Variants in TRAPPC9 observed in about 807,000 individuals in gnomAD.
TRAPPC9 encodes IKK2 binding protein.
In TRAPPC9, 83 loss-of-function variants were observed where a neutral mutation model predicts 124.0. That is an observed-to-expected ratio of 0.67 (90% CI 0.56 to 0.80). TRAPPC9 has a LOEUF of 0.80. Among genes scored for constraint, TRAPPC9 ranks in the 30% least tolerant of loss-of-function variants. The probability of loss-of-function intolerance (pLI) is 0.00; values close to 1 mark genes in which losing one functional copy is unlikely to be tolerated. For missense variants in TRAPPC9, 1,302 were observed against 1,508.3 expected (o/e 0.86, Z 2.27); for synonymous variants, 638 against 617.5 (o/e 1.03, Z -0.49).
chr8:139,922,801 C>T (rs573510950), intron 19 of TRAPPC9, among the ~76,000 whole-genome samples: 6 of 152,308 alleles, frequency 3.9e-5, no homozygotes, highest in South Asian at 2.1e-4. Flanking sequence ...AAATCCATCC[C>T]GTGGACACTA....
intron 21 of TRAPPC9, among the ~76,000 whole-genome samples, chr8:139,863,519 G>GT (rs1393349152): frequency 2.0e-4 from 31 of 152,346 alleles, no homozygotes; most frequent in African/African-American, 7.2e-4. Context: ...CTTGAGCACT[G>GT]TAACAGGTCA....
At chr8:140,264,179 A>G (rs1020774134) in intron 15 of TRAPPC9, among the ~76,000 whole-genome samples, 2 of 152,214 alleles carry the variant, frequency 1.3e-5, no homozygotes, top group Non-Finnish European at 2.9e-5. Context: ...TAGCTCTCAT[A>G]TGGCACTTCA....
Position 139,731,047 on chromosome 8 carries a change from G to A in TRAPPC9, c.*14C>T, listed in dbSNP as rs775226507. 44 of 1,611,392 alleles carry A rather than the reference G, an allele frequency of 2.7e-5. No individual in the cohort carries two copies. The highest frequency in any genetic ancestry group is 2.0e-4 in the Middle Eastern group (1 of 4,934). ...CCTCTGGCCCTGCAGAAAGAGGGACGGAAGTAGGCGGGCTCAGGCCTGCGC... is the reference window on the plus strand; with the variant it reads ...CCTCTGGCCCTGCAGAAAGAGGGACAGAAGTAGGCGGGCTCAGGCCTGCGC... On this transcript the variant is annotated 3_prime_UTR_variant, in exon 23 of 23. Transcript: ENST00000438773.
At chr8:140,203,192 G>A (rs573623872) in intron 17 of TRAPPC9, among the ~76,000 whole-genome samples, 10 of 152,260 alleles carry the variant, frequency 6.6e-5, no homozygotes, top group African/African-American at 2.4e-4. Context: ...AGCACTAGTT[G>A]AACAAAGCAA....
At chr8:139,999,987 T>C (rs1050334191) in intron 18 of TRAPPC9, among the ~76,000 whole-genome samples, 2 of 152,194 alleles carry the variant, frequency 1.3e-5, no homozygotes, top group African/African-American at 4.8e-5. Context: ...AAGCCTATCT[T>C]CTATCTTAAG....
At chr8:140,050,807 G>A (rs1006312241) in intron 17 of TRAPPC9, among the ~76,000 whole-genome samples, 1 of 152,172 alleles carries the variant, frequency 6.6e-6, no homozygotes, top group African/African-American at 2.4e-5. Context: ...AACCCCAGGA[G>A]GGAAACAATG....
intron 21 of TRAPPC9, among the ~76,000 whole-genome samples, chr8:139,871,236 G>A (rs1422823264): frequency 1.3e-5 from 2 of 152,246 alleles, no homozygotes; most frequent in South Asian, 2.1e-4. Context: ...GTTATAACCC[G>A]GACACCTGGG....
At chr8:140,390,103 A>G (rs1474890717) in intron 7 of TRAPPC9, among the ~76,000 whole-genome samples, 1 of 152,172 alleles carries the variant, frequency 6.6e-6, no homozygotes, top group East Asian at 1.9e-4. Flanking sequence ...CAGGAGTTCA[A>G]GACCAGCCTG....
intron 19 of TRAPPC9, among the ~76,000 whole-genome samples, chr8:139,919,926 T>C (rs1263551421): frequency 6.6e-6 from 1 of 152,250 alleles, no homozygotes; most frequent in Non-Finnish European, 1.5e-5. Flanking sequence ...CCCTTCCGCC[T>C]AGTGCTGGAA....
At chr8:139,746,549 G>A (rs1048038838) in intron 21 of TRAPPC9, among the ~76,000 whole-genome samples, 2 of 152,166 alleles carry the variant, frequency 1.3e-5, no homozygotes, top group African/African-American at 2.4e-5. Context: ...GGTAGGCAGG[G>A]ACATACAGGG....
In TRAPPC9 at chr8:139,761,707, C is replaced by T. The variant is rs976175718; in HGVS notation, c.3056-29505G>A. Among the ~76,000 whole-genome samples the T allele has an allele frequency of 2.0e-5, 3 of 152,190 alleles. No homozygotes were observed. The East Asian group carries it at 5.9e-4, about 30-fold the overall frequency. On this transcript the variant is annotated intron_variant, in intron 21 of 22. Transcript: ENST00000438773. The stretch of plus-strand genomic sequence containing the variant: ...TGGCTCCAGGTGCTGGGTCACCCCC[C>T]TCAGGGACGGCCCACTGGACAGTGG...
chr8:140,026,377 G>T (rs1330168959), intron 17 of TRAPPC9, among the ~76,000 whole-genome samples: 1 of 152,086 alleles, frequency 6.6e-6, no homozygotes, highest in African/African-American at 2.4e-5. Flanking sequence ...AATCATACGG[G>T]TATTCTCTAT....
intron 14 of TRAPPC9, among the ~76,000 whole-genome samples, chr8:140,280,901 G>A (rs187264206): frequency 2.6e-5 from 4 of 152,300 alleles, no homozygotes; most frequent in South Asian, 4.1e-4. Context: ...CACGCTCTGC[G>A]CCTCTTACAT....
At chr8:140,369,436 A>G (rs1480067953) in intron 8 of TRAPPC9, among the ~76,000 whole-genome samples, 3 of 152,384 alleles carry the variant, frequency 2.0e-5, no homozygotes, top group East Asian at 3.9e-4. Flanking sequence ...GGGCAGGAGT[A>G]TAACGAACTA....
intron 21 of TRAPPC9, among the ~76,000 whole-genome samples, chr8:139,868,845 G>A (rs1828715990): frequency 1.3e-5 from 2 of 152,124 alleles, no homozygotes; most frequent in Non-Finnish European, 2.9e-5. Context: ...AGGGTAGAGA[G>A]ACAAACAAGA....
rs2061831601 is a variant in TRAPPC9, at chr8:140,166,033, C to T, written c.2556+55426G>A. Among the ~76,000 whole-genome samples, 3 of 152,292 alleles carry T rather than the reference C, an allele frequency of 2.0e-5. No individual in the cohort carries two copies. The South Asian group carries it at 6.2e-4, about 32-fold the overall frequency. On this transcript the variant is annotated intron_variant, in intron 17 of 22. Transcript: ENST00000438773. ...GCTGCCCATAACTCCTCCAGGAGCC[C>T]CGCCTGCATGCACCGCAGCACACTC...
intron 17 of TRAPPC9, among the ~76,000 whole-genome samples, chr8:140,208,550 T>C (rs1476904403): frequency 2.6e-5 from 4 of 152,238 alleles, no homozygotes; most frequent in African/African-American, 9.6e-5. Context: ...CTTAAGTTGC[T>C]GGCATGATCA....
intron 17 of TRAPPC9, among the ~76,000 whole-genome samples, chr8:140,041,616 T>C (rs920083830): frequency 2.6e-5 from 4 of 152,240 alleles, no homozygotes; most frequent in Non-Finnish European, 5.9e-5. Context: ...GCTCGTGACT[T>C]GCTCGCCCTC....
chr8:139,798,890 C>T (rs1160477390), intron 21 of TRAPPC9, among the ~76,000 whole-genome samples: 6 of 152,186 alleles, frequency 3.9e-5, no homozygotes, highest in Admixed American at 3.9e-4. Flanking sequence ...AAGGTGTCGG[C>T]GGGGCTGTAC....
Sources: gnomAD v4.1 joint callset for allele counts (sites outside exome capture counted in the v4.1 genomes callset) on GRCh38, gnomAD v4.1.1 for gene constraint, MANE v1.5 for transcripts, NCBI Gene and HGNC (gene_info 2026-07-23, HGNC 2026-07-21) for gene names.